Variants in GNG2 observed in about 807,000 individuals in gnomAD.
GNG2 encodes the protein guanine nucleotide-binding protein G(I)/G(S)/G(O) subunit gamma-2.
GNG2 carries 5 observed loss-of-function variants against 5.5 expected under a neutral mutation model. The observed-to-expected ratio is 0.91, with a 90% CI of 0.48 to 1.92. GNG2 has a LOEUF of 1.92. Ranked by LOEUF, GNG2 falls within the 30% of genes most tolerant of loss-of-function variation. The pLI, the probability that GNG2 is intolerant of heterozygous loss-of-function variation, is 0.01. For synonymous variants in GNG2, 28 were observed against 32.0 expected, an observed-to-expected ratio of 0.88 and a Z score of 0.42; for missense variants, 55 against 88.4, an observed-to-expected ratio of 0.62 and a Z score of 1.52.
chr14:51,923,315 T>C (rs1887123186), intron 2 of GNG2, among the ~76,000 whole-genome samples: 1 of 152,094 alleles, frequency 6.6e-6, no homozygotes, highest in African/African-American at 2.4e-5. Context: ...GATAAGCAAA[T>C]TCAAATCAGA....
chr14:51,959,735 T>TTGA (rs1555358562), intron 3 of GNG2, among the ~76,000 whole-genome samples: 6,441 of 69,734 alleles, frequency 0.092, 473 homozygotes, highest in African/African-American at 0.24. Flanking sequence ...TACCAAAAGA[T>TTGA]TATTTTCTTA....
chr14:51,863,879 ATAT>A (rs1882688930), intron 1 of GNG2, among the ~76,000 whole-genome samples: 2 of 152,224 alleles, frequency 1.3e-5, no homozygotes, highest in African/African-American at 4.8e-5. Context: ...AAGCTGAATA[ATAT>A]TCCATTGAAT....
At position 51,952,568 on chromosome 14, in the gene GNG2, A is replaced by G. The variant is rs537933369; in HGVS notation, c.87+1803A>G. Among the ~76,000 whole-genome samples the G allele has an allele frequency of 2.6e-5, 4 of 152,302 alleles. No individual in the cohort carries two copies. In the East Asian group the frequency reaches 7.7e-4, roughly 29 times the overall value. On this transcript the variant is annotated intron_variant, in intron 3 of 3. Coordinates refer to ENST00000556766, the MANE Select transcript of GNG2 (RefSeq NM_053064.5). ...CTTTGACTTTTGAGGTGGTCCAACT[A>G]TGATAAAAGTCTGTGAAGCTTTACT... is the stretch of plus-strand genomic sequence containing the variant.
intron 1 of GNG2, among the ~76,000 whole-genome samples, chr14:51,866,811 G>C (rs759630842): frequency 6.6e-6 from 1 of 152,178 alleles, no homozygotes; most frequent in African/African-American, 2.4e-5. Flanking sequence ...TGGGGATCAG[G>C]TTCCAACATA....
chr14:51,850,043 G>A (rs1262622985), intron 2 of GNG2, among the ~76,000 whole-genome samples: 1 of 151,978 alleles, frequency 6.6e-6, no homozygotes, highest in Admixed American at 6.6e-5. Context: ...CCAAAAAGTT[G>A]TTCCTCCCAA....
intron 2 of GNG2, among the ~76,000 whole-genome samples, chr14:51,919,063 G>C (rs868485627): frequency 1.6e-4 from 25 of 152,106 alleles, no homozygotes; most frequent in African/African-American, 2.7e-4. Flanking sequence ...GACATCAGAT[G>C]ATCTGCCCGC....
At chr14:51,909,289 G>T (rs1428191812) in intron 2 of GNG2, among the ~76,000 whole-genome samples, 2 of 152,106 alleles carry the variant, frequency 1.3e-5, no homozygotes, top group Non-Finnish European at 2.9e-5. Context: ...AAGTCTTTTT[G>T]ATCTTTTTGT....
intron 2 of GNG2, among the ~76,000 whole-genome samples, chr14:51,843,208 T>C (rs1881531407): frequency 6.6e-6 from 1 of 152,166 alleles, no homozygotes; most frequent in Non-Finnish European, 1.5e-5. Context: ...TTAATGCAAA[T>C]ATACACTTGT....
chr14:51,859,281 C>T (rs1025901968), upstream of GNG2, among the ~76,000 whole-genome samples: 2 of 152,130 alleles, frequency 1.3e-5, no homozygotes, highest in African/African-American at 4.8e-5. Flanking sequence ...CCCCTTCCCC[C>T]ATCTCATGTT....
intron 1 of GNG2, among the ~76,000 whole-genome samples, chr14:51,868,716 A>C (rs542943916): frequency 6.6e-6 from 1 of 152,330 alleles, no homozygotes; most frequent in East Asian, 1.9e-4. Flanking sequence ...CTTCACATAC[A>C]TGTTCTGTAA....
chr14:51,915,801 T>G (rs139504344), intron 2 of GNG2, among the ~76,000 whole-genome samples: 1 of 152,358 alleles, frequency 6.6e-6, no homozygotes, highest in Non-Finnish European at 1.5e-5. Flanking sequence ...ATGTGAATTA[T>G]GGGTCTGTGT....
At chr14:51,949,236 G>C (rs1888826511) in intron 2 of GNG2, among the ~76,000 whole-genome samples, 1 of 152,066 alleles carries the variant, frequency 6.6e-6, no homozygotes, top group Admixed American at 6.5e-5. Flanking sequence ...TATTCTCCAT[G>C]AAGGGATTTG....
intron 2 of GNG2, among the ~76,000 whole-genome samples, chr14:51,946,272 G>C (rs1267585439): frequency 6.6e-6 from 1 of 152,122 alleles, no homozygotes; most frequent in Non-Finnish European, 1.5e-5. Context: ...GTCTATTGTG[G>C]ACCACGGTCA....
chr14:51,846,616 C>T (rs966455513), intron 2 of GNG2, among the ~76,000 whole-genome samples: 2 of 152,214 alleles, frequency 1.3e-5, no homozygotes, highest in African/African-American at 4.8e-5. Context: ...AATTCTGCCA[C>T]CCAGCTGAAT....
intron 3 of GNG2, among the ~76,000 whole-genome samples, chr14:51,959,006 T>C (rs774984565): frequency 7.2e-5 from 11 of 152,204 alleles, no homozygotes; most frequent in East Asian, 3.9e-4. Context: ...TGGCAGCATT[T>C]GACATGATTG....
At chr14:51,836,800 GTT>G (rs1163881467) in intron 2 of GNG2, among the ~76,000 whole-genome samples, 2 of 147,138 alleles carry the variant, frequency 1.4e-5, no homozygotes, top group Non-Finnish European at 3.0e-5. Context: ...ATCACTAAAA[GTT>G]TGTTTTTATA....
Position 51,969,173 on chromosome 14 carries a change from T to C in GNG2, c.*2486T>C, listed in dbSNP as rs1177019779. Reference sequence around the variant, plus strand: ...AACTAATAGGAAAAGTCAGCTTAATTATTTAAGGCCCTAGTTTCTACATAT... The same window carrying C: ...AACTAATAGGAAAAGTCAGCTTAATCATTTAAGGCCCTAGTTTCTACATAT... On this transcript the variant is annotated 3_prime_UTR_variant, in exon 4 of 4. Transcript: ENST00000556766. The C allele has an allele frequency of 1.3e-5, 2 of 152,192 alleles. No individual in the cohort carries two copies. The highest frequency in any genetic ancestry group is 2.9e-5 in the Non-Finnish European group (2 of 68,028). The allele number at this position is 152,192 out of a possible 1,614,324, so 9.4% of individuals were successfully genotyped here.
intron 2 of GNG2, among the ~76,000 whole-genome samples, chr14:51,900,678 T>C (rs943512679): frequency 7.9e-5 from 12 of 151,750 alleles, no homozygotes; most frequent in Admixed American, 7.9e-4. Context: ...CTGTGTCTTC[T>C]TTCCATGTTC....
intron 2 of GNG2, among the ~76,000 whole-genome samples, chr14:51,924,000 A>G (rs1396670173): frequency 6.6e-6 from 1 of 152,214 alleles, no homozygotes; most frequent in Non-Finnish European, 1.5e-5. Flanking sequence ...TTCTGTAGTT[A>G]TAAAATTATG....
Sources: allele counts gnomAD v4.1 joint callset (sites outside exome capture counted in the v4.1 genomes callset), GRCh38; gene constraint gnomAD v4.1.1; transcripts MANE v1.5; gene names NCBI Gene and HGNC (gene_info 2026-07-23, HGNC 2026-07-21).